The following PTPRA variants were observed in gnomAD, a reference collection of about 807,000 sequenced individuals.
The protein encoded by PTPRA is protein tyrosine phosphatase receptor type A.
Under a neutral mutation model 104.8 loss-of-function variants are expected in PTPRA, and 25 were observed. The ratio of observed to expected loss-of-function variants is 0.24; its 90% CI spans 0.17 to 0.33. PTPRA has a LOEUF of 0.33. PTPRA is among the 10% of genes least tolerant of loss of function. The pLI, the probability that PTPRA is intolerant of heterozygous loss-of-function variation, is 1.00. For synonymous variants in PTPRA, 323 were observed against 368.9 expected, an observed-to-expected ratio of 0.88 and a Z score of 1.43; for missense variants, 765 against 1,015.3, an observed-to-expected ratio of 0.75 and a Z score of 3.35.
chr20:2,945,023 T>C (rs2061072588), intron 2 of PTPRA, among the ~76,000 whole-genome samples: 1 of 152,228 alleles, frequency 6.6e-6, no homozygotes, highest in Non-Finnish European at 1.5e-5. Context: ...CCTTTATACC[T>C]CTTACCTTCT....
Position 2,988,324 on chromosome 20 carries a change from C to T in PTPRA, c.602-14C>T, listed in dbSNP as rs756372690. 3.8e-6 allele frequency: 6 copies of T among 1,584,120 alleles called. No homozygotes were observed. The South Asian group carries it at 7.0e-5, about 18-fold the overall frequency. On this transcript the variant is annotated splice_polypyrimidine_tract_variant and intron_variant, in intron 8 of 23. Transcript: ENST00000399903. Reference sequence around the variant, plus strand: ...TCAGGGTACCTGACTGACCTTCTCCCTTGTGTACTGCAGAGCCCCAGAGTG... The same window carrying T: ...TCAGGGTACCTGACTGACCTTCTCCTTTGTGTACTGCAGAGCCCCAGAGTG...
chr20:2,955,315 G>A (rs963869646), intron 3 of PTPRA, among the ~76,000 whole-genome samples: 1 of 152,110 alleles, frequency 6.6e-6, no homozygotes, highest in East Asian at 1.9e-4. Flanking sequence ...TTGTGTATTT[G>A]TTTATTGTAG....
chr20:2,883,060 T>A (rs2090153334), intron 1 of PTPRA, among the ~76,000 whole-genome samples: 1 of 150,244 alleles, frequency 6.7e-6, no homozygotes, highest in Non-Finnish European at 1.5e-5. Flanking sequence ...TCATGGCTCA[T>A]TGCAGCCTTG....
At chr20:2,969,978 T>TAAATAATAAATAAATAAATAAATAAATA (rs1555807324) in intron 5 of PTPRA, among the ~76,000 whole-genome samples, 4 of 149,990 alleles carry the variant, frequency 2.7e-5, no homozygotes, top group African/African-American at 9.8e-5. Flanking sequence ...TCTAAATAAA[T>TAAATAATAAATAAATAAATAAATAAATA]AATAAATAAA....
intron 3 of PTPRA, among the ~76,000 whole-genome samples, chr20:2,953,613 GT>G (rs201447901): frequency 0.012 from 1,659 of 139,896 alleles, 33 homozygotes; most frequent in South Asian, 0.031. Context: ...TTGGTGTTTT[GT>G]TTTTTTTTTT....
upstream of PTPRA, among the ~76,000 whole-genome samples, chr20:2,872,805 C>T (rs931609333): frequency 6.6e-6 from 1 of 152,194 alleles, no homozygotes; most frequent in Non-Finnish European, 1.5e-5. The surrounding 1 kb of genome is among the most constrained non-coding windows in gnomAD (Gnocchi z 7.9). Flanking sequence ...TGAGCCTCCC[C>T]TCCCCCGCCA....
chr20:2,962,279 A>G (rs1266446351), intron 3 of PTPRA, among the ~76,000 whole-genome samples: 2 of 152,180 alleles, frequency 1.3e-5, no homozygotes, highest in Admixed American at 1.3e-4. Context: ...TTTCTGTCAG[A>G]TATTCCACTT....
intron 1 of PTPRA, among the ~76,000 whole-genome samples, chr20:2,922,560 G>A (rs1368321997): frequency 6.6e-6 from 1 of 151,826 alleles, no homozygotes; most frequent in Non-Finnish European, 1.5e-5. Context: ...GGCTGGTCTC[G>A]AACTCCTGAC....
intron 3 of PTPRA, among the ~76,000 whole-genome samples, chr20:2,959,651 CA>C (rs2061676105): frequency 6.6e-6 from 1 of 151,894 alleles, no homozygotes; most frequent in Admixed American, 6.6e-5. Flanking sequence ...CAAAATTGAT[CA>C]AAAAGTATGG....
chr20:3,013,951 C>T (rs1336704930), intron 11 of PTPRA, among the ~76,000 whole-genome samples: 2 of 152,126 alleles, frequency 1.3e-5, no homozygotes, highest in South Asian at 2.1e-4. Flanking sequence ...AGGCATATGA[C>T]GCACTCCTGG....
chr20:3,036,012 T>C, intron 22 of PTPRA, 71 bp downstream of exon 22: 1 of 1,601,292 alleles, frequency 6.2e-7, no homozygotes, highest in Non-Finnish European at 8.5e-7. Context: ...CTGATGACCA[T>C]GGGTCAGACT....
At chr20:2,940,279 A>G (rs529352792) in intron 2 of PTPRA, among the ~76,000 whole-genome samples, 1 of 151,872 alleles carries the variant, frequency 6.6e-6, no homozygotes, top group Non-Finnish European at 1.5e-5. Context: ...ATAACAGTTA[A>G]GGGGTTTTCC....
chr20:3,021,570 G>A, intron 14 of PTPRA, 142 bp downstream of exon 14: 6 of 1,237,132 alleles, frequency 4.8e-6, no homozygotes, highest in Non-Finnish European at 5.5e-6. Flanking sequence ...CGGGCTCAGG[G>A]GAACTTGTCT....
At chr20:2,940,864 A>G (rs1472895499) in intron 2 of PTPRA, among the ~76,000 whole-genome samples, 1 of 152,204 alleles carries the variant, frequency 6.6e-6, no homozygotes, top group African/African-American at 2.4e-5. Flanking sequence ...TGTAAATCCT[A>G]GAAGTGAAAC....
chr20:2,910,899 C>CCGGCGGCGG (rs2059700432), intron 1 of PTPRA, among the ~76,000 whole-genome samples: 1 of 149,532 alleles, frequency 6.7e-6, no homozygotes, highest in Admixed American at 6.7e-5. Context: ...GCCACCGCAC[C>CCGGCGGCGG]CGGCCTACTT....
chr20:2,923,151 A>G, intron 1 of PTPRA, 56 bp from the exon 2 acceptor site: 1 of 763,856 alleles, frequency 1.3e-6, no homozygotes, highest in Non-Finnish European at 1.8e-6. Flanking sequence ...CCTAAGCTAG[A>G]ACAATCTGCT....
chr20:2,890,714 A>G (rs1358200355), intron 1 of PTPRA, among the ~76,000 whole-genome samples: 2 of 152,186 alleles, frequency 1.3e-5, no homozygotes, highest in Non-Finnish European at 2.9e-5. Flanking sequence ...TCCCTGAACT[A>G]TCTTTCCCTG....
chr20:2,903,735 A>T (rs2059316199), intron 1 of PTPRA, among the ~76,000 whole-genome samples: 1 of 152,190 alleles, frequency 6.6e-6, no homozygotes, highest in South Asian at 2.1e-4. Flanking sequence ...TGAATATTAA[A>T]TAAATTCAGA....
At position 3,038,169 on chromosome 20, in the gene PTPRA, T is replaced by C. The variant is rs775272202; in HGVS notation, c.*36T>C. The C allele has an allele frequency of 6.5e-7, 1 of 1,549,106 alleles. No individual in the cohort carries two copies. The highest frequency in any genetic ancestry group is 8.9e-7 in the Non-Finnish European group (1 of 1,121,504). ...GGGTCCGTGGACCAGGAGGATTGCC[T>C]TTAATATTTTGTAATATTCTGTTTT... On this transcript the variant is annotated 3_prime_UTR_variant, in exon 24 of 24. Coordinates refer to ENST00000399903, the MANE Select transcript of PTPRA (RefSeq NM_001385305.1).
Sources: gnomAD v4.1 joint callset for allele counts (sites outside exome capture counted in the v4.1 genomes callset) on GRCh38, gnomAD v4.1.1 for gene constraint, Gnocchi (gnomAD v3.1) non-coding constraint, MANE v1.5 for transcripts, NCBI Gene and HGNC (gene_info 2026-07-23, HGNC 2026-07-21) for gene names.